The following SPEF2 variants were observed in gnomAD, a reference collection of about 807,000 sequenced individuals.
The protein encoded by SPEF2 is sperm flagella and cilia-associated protein 2.
Under a neutral mutation model 224.6 loss-of-function variants are expected in SPEF2, and 187 were observed. That is an observed-to-expected ratio of 0.83 (90% CI 0.74 to 0.94). The LOEUF is 0.94. Among genes scored for constraint, SPEF2 ranks in the 40% least tolerant of loss-of-function variants. The pLI is 0.00. For missense variants in SPEF2, 2,170 were observed against 2,135.6 expected (o/e 1.02, Z -0.32); for synonymous variants, 715 against 707.3 (o/e 1.01, Z -0.17).
intron 30 of SPEF2, chr5:35,781,579 A>C (rs1226737284): frequency 6.6e-6 from 1 of 152,086 alleles, no homozygotes; most frequent in East Asian, 1.9e-4. Context: ...TGTGTGAGGA[A>C]CCACCTCCTC....
At chr5:35,781,385 G>A (rs990009011) in intron 30 of SPEF2, 4 of 152,180 alleles carry the variant, frequency 2.6e-5, no homozygotes, top group East Asian at 3.9e-4. Context: ...AAATTGAAGA[G>A]GGTAAAGAGA....
intron 36 of SPEF2, among the ~76,000 whole-genome samples, chr5:35,812,778 A>G (rs916468459): frequency 1.3e-5 from 2 of 152,268 alleles, no homozygotes; most frequent in African/African-American, 4.8e-5. Context: ...CAAATGAATC[A>G]GGACCCAATT....
intron 21 of SPEF2, among the ~76,000 whole-genome samples, chr5:35,734,903 G>A (rs1442396761): frequency 6.6e-6 from 1 of 151,438 alleles, no homozygotes; most frequent in African/African-American, 2.4e-5. Flanking sequence ...ATAGAGATGG[G>A]GTTTCACCAT....
chr5:35,803,413 C>T (rs367978609), intron 34 of SPEF2, among the ~76,000 whole-genome samples: 4 of 152,316 alleles, frequency 2.6e-5, no homozygotes, highest in African/African-American at 9.6e-5. Flanking sequence ...TCCTTGAGTG[C>T]TGCTCTCAAG....
chr5:35,641,349 A>G (rs937460150), intron 2 of SPEF2, 82 bp from the exon 3 acceptor site: 1 of 1,423,416 alleles, frequency 7.0e-7, no homozygotes. Context: ...AAAATATTGG[A>G]TAATGATAAT....
At chr5:35,797,956 T>C (rs1319783552) in intron 33 of SPEF2, among the ~76,000 whole-genome samples, 1 of 152,022 alleles carries the variant, frequency 6.6e-6, no homozygotes, top group Non-Finnish European at 1.5e-5. Flanking sequence ...GTTGCTCAGG[T>C]CAAAAACCCA....
rs765702463 is a variant in SPEF2 at position 35,727,801 on chromosome 5, A to G, written c.3041A>G (p.Tyr1014Cys). Residue 1014 changes from tyrosine to cysteine, a missense_variant, in exon 21 of 37, where the codon TAT (tyrosine) becomes TGT (cysteine). By Grantham distance (194) the Tyr-to-Cys change is radical. Coordinates refer to ENST00000356031, the MANE Select transcript of SPEF2 (RefSeq NM_024867.4). Reference protein sequence around the residue: ...PPKPGSEEWVYVNEPVPEEMP... With the variant: ...PPKPGSEEWVCVNEPVPEEMP... ...AAGCCAGGATCAGAAGAATGGGTCTATGTGAATGAACCAGTTCCTGAGGTA... is the reference window on the plus strand; with the variant it reads ...AAGCCAGGATCAGAAGAATGGGTCTGTGTGAATGAACCAGTTCCTGAGGTA... 11 of 1,613,310 alleles carry G rather than the reference A, an allele frequency of 6.8e-6. No homozygotes were observed. In the African/African-American group the frequency reaches 1.3e-4, roughly 20 times the overall value.
At position 35,813,384 on chromosome 5, in the gene SPEF2, T is replaced by G. The variant is rs530103856; in HGVS notation, c.5380-1080T>G. On this transcript the variant is annotated intron_variant, in intron 36 of 36. Transcript: ENST00000356031. ...ACATGTGCCTGTAGTCCCAGCTACTTAGAAAACTGAGGTGGGAGGATTTCT... is the reference window on the plus strand; with the variant it reads ...ACATGTGCCTGTAGTCCCAGCTACTGAGAAAACTGAGGTGGGAGGATTTCT... Among the ~76,000 whole-genome samples the G allele has an allele frequency of 2.6e-5, 4 of 152,174 alleles. No homozygotes were observed. In the South Asian group the frequency reaches 8.3e-4, roughly 32 times the overall value.
In SPEF2 at chr5:35,667,389, T is replaced by C. The variant is rs564788878; in HGVS notation, c.1355+130T>C. 1.8e-4 allele frequency: 141 copies of C among 804,750 alleles called. No homozygotes were observed. In the African/African-American group the frequency reaches 2.2e-3, roughly 12 times the overall value. 49.9% of individuals were successfully genotyped at this position (804,750 alleles called of 1,614,324 possible). On this transcript the variant is annotated intron_variant, in intron 9 of 36. Coordinates refer to ENST00000356031, the MANE Select transcript of SPEF2 (RefSeq NM_024867.4). ...TTCATGAAAAGACTAAAAGGTGGGG[T>C]CCAGGAGACCTTGATTACTGACTTG...
At position 35,715,586 on chromosome 5, in the gene SPEF2, C is replaced by T. The variant is rs944687666; in HGVS notation, c.2914+2700C>T. Among the ~76,000 whole-genome samples, 4 of 152,034 alleles carry T rather than the reference C, an allele frequency of 2.6e-5. No individual in the cohort carries two copies. In the East Asian group the frequency reaches 7.8e-4, roughly 29 times the overall value. The stretch of plus-strand genomic sequence containing the variant: ...TTCCTCTGGGTGATTAGATAATGGG[C>T]GCCTCAAAATGAGAGCATTTTCCTT... On this transcript the variant is annotated intron_variant, in intron 20 of 36. Transcript: ENST00000356031.
Position 35,779,110 on chromosome 5 carries a change from C to G in SPEF2, c.4218-7C>G. On this transcript the variant is annotated splice_polypyrimidine_tract_variant and splice_region_variant and intron_variant, in intron 29 of 36. Transcript: ENST00000356031. ...GGGGTTAACGCTATCCATTTTACCACTTTCAGTACAGAAAAATTAACTGAC... is the reference window on the plus strand; with the variant it reads ...GGGGTTAACGCTATCCATTTTACCAGTTTCAGTACAGAAAAATTAACTGAC... 6.2e-7 allele frequency: 1 copy of G among 1,605,598 alleles called. No homozygotes were observed. Among genetic ancestry groups the G allele is most frequent in the Non-Finnish European group, 8.5e-7 (1 of 1,174,496 alleles).
intron 2 of SPEF2, among the ~76,000 whole-genome samples, chr5:35,636,699 G>A (rs562107850): frequency 3.3e-5 from 5 of 152,148 alleles, no homozygotes; most frequent in African/African-American, 1.2e-4. Flanking sequence ...TCTGGGCCGG[G>A]TGTGGTGGCT....
chr5:35,741,367 T>A (rs1747613052), intron 23 of SPEF2, among the ~76,000 whole-genome samples: 1 of 152,134 alleles, frequency 6.6e-6, no homozygotes, highest in Non-Finnish European at 1.5e-5. Flanking sequence ...AGAAAGGGTG[T>A]ATGAAGCACA....
intron 23 of SPEF2, among the ~76,000 whole-genome samples, chr5:35,746,907 A>G (rs1460865622): frequency 6.6e-6 from 1 of 152,224 alleles, no homozygotes; most frequent in East Asian, 1.9e-4. Flanking sequence ...AAGAATTTTC[A>G]GAGCTGTGAG....
chr5:35,645,999 A>C (rs1438771759), intron 4 of SPEF2, among the ~76,000 whole-genome samples: 1 of 152,142 alleles, frequency 6.6e-6, no homozygotes, highest in Non-Finnish European at 1.5e-5. Flanking sequence ...GATTAGTTTC[A>C]CATATTACCT....
chr5:35,647,028 C>A (rs994812945), intron 5 of SPEF2, among the ~76,000 whole-genome samples: 3 of 152,144 alleles, frequency 2.0e-5, no homozygotes, highest in Non-Finnish European at 4.4e-5. Context: ...CCAGCAATGG[C>A]AAACTCCTAT....
intron 24 of SPEF2, among the ~76,000 whole-genome samples, chr5:35,756,931 C>T (rs553387409): frequency 2.6e-5 from 4 of 152,128 alleles, no homozygotes; most frequent in African/African-American, 9.6e-5. Context: ...CAACAAGGTA[C>T]TCATTAACTG....
chr5:35,697,643 G>C (rs1324346383), intron 14 of SPEF2, 47 bp from the exon 15 acceptor site: 3 of 1,479,318 alleles, frequency 2.0e-6, no homozygotes, highest in Non-Finnish European at 1.9e-6. Flanking sequence ...TTTGGAATTT[G>C]ACTTTTAAAT....
intron 27 of SPEF2, among the ~76,000 whole-genome samples, chr5:35,772,434 A>G (rs1752993801): frequency 2.0e-5 from 3 of 152,110 alleles, no homozygotes; most frequent in Non-Finnish European, 4.4e-5. Context: ...CACAACCACA[A>G]TTCCTGCCCT....
Sources: gnomAD v4.1 joint callset for allele counts (sites outside exome capture counted in the v4.1 genomes callset) on GRCh38, gnomAD v4.1.1 for gene constraint, MANE v1.5 for transcripts, NCBI Gene and HGNC (gene_info 2026-07-23, HGNC 2026-07-21) for gene names.